The following CARD19 variants were observed in gnomAD, a reference collection of about 807,000 sequenced individuals.
The protein encoded by CARD19 is caspase recruitment domain family member 19, also known as caspase recruitment domain-containing protein 19.
A neutral mutation model predicts 24.1 loss-of-function variants in CARD19; 25 were observed. The observed-to-expected ratio is 1.04, with a 90% CI of 0.76 to 1.45. The LOEUF (loss-of-function observed/expected upper bound fraction) is 1.45. CARD19 is among the 40% of genes most tolerant of loss of function. CARD19 has a pLI of 0.00. For synonymous variants in CARD19, 103 were observed against 104.9 expected, an observed-to-expected ratio of 0.98 and a Z score of 0.11; for missense variants, 241 against 247.4, an observed-to-expected ratio of 0.97 and a Z score of 0.17.
At chr9:93,110,768 AG>A in intron 3 of CARD19, 47 bp downstream of exon 3, 1 of 1,574,230 alleles carries the variant, frequency 6.4e-7, no homozygotes. Context: ...TGGCCCGGGG[AG>A]GGCACCCCAG....
intron 3 of CARD19, chr9:93,111,510 ACAGTG>A: frequency 8.8e-7 from 1 of 1,133,798 alleles, no homozygotes; most frequent in Non-Finnish European, 1.1e-6. Context: ...CTCACAGAAC[ACAGTG>A]CAGACGGTGG....
In CARD19 at chr9:93,096,451, C is replaced by A; in HGVS notation, c.7+99C>A. The A allele has an allele frequency of 8.9e-7, 1 of 1,118,314 alleles. No individual in the cohort carries two copies. Among genetic ancestry groups the A allele is most frequent in the Non-Finnish European group, 1.1e-6 (1 of 887,328 alleles). 69.3% of individuals were successfully genotyped at this position (1,118,314 alleles called of 1,614,324 possible). ...CCTTGCGAGTCGCCTGCAGGCCGCG[C>A]CTGGGCAGCGGGGGCCGAGTGACCT... On this transcript the variant is annotated intron_variant, in intron 1 of 5. Transcript: ENST00000375464. The surrounding 1 kb of genome is among the most constrained non-coding windows in gnomAD (Gnocchi z 5.4).
rs370569606 is a variant in CARD19, at chr9:93,113,063, C to T, written c.508C>T (p.Arg170Cys). ...TGTCATCATCGACAGACATGTCAGC[C>T]GCTACCTGCTGGCCTTCCTGGCAGA... The part of the protein sequence containing the change: ...SPVIIDRHVS[R>C]YLLAFLADDL... The change falls in exon 6 of 6, where the codon CGC becomes TGC. Residue 170 changes from arginine (R) to cysteine (C), a missense_variant. Arg to Cys is a radical substitution (Grantham distance 180). Coordinates refer to ENST00000375464, the MANE Select transcript of CARD19 (RefSeq NM_032310.5). The T allele has an allele frequency of 6.7e-5, 107 of 1,602,206 alleles. No homozygotes were observed. The highest frequency in any genetic ancestry group is 3.9e-4 in the Admixed American group (23 of 59,070).
intron 1 of CARD19, among the ~76,000 whole-genome samples, chr9:93,106,420 A>AAAATAAAT (rs1554753847): frequency 6.7e-6 from 1 of 148,494 alleles, no homozygotes; most frequent in Non-Finnish European, 1.5e-5. Context: ...CTACTAAAAA[A>AAAATAAAT]AAAAAAAAAA....
chr9:93,110,750 C>T, intron 3 of CARD19, 29 bp downstream of exon 3: 1 of 1,599,794 alleles, frequency 6.3e-7, no homozygotes, highest in Non-Finnish European at 8.5e-7. Context: ...ACCATGCATG[C>T]TTGGTGCTGG....
intron 1 of CARD19, among the ~76,000 whole-genome samples, chr9:93,103,429 A>G (rs140234807): frequency 2.5e-4 from 38 of 152,374 alleles, no homozygotes; most frequent in Middle Eastern, 6.8e-3. Flanking sequence ...AATACCTAAC[A>G]CAATGTAAAT....
At chr9:93,108,557 C>T (rs1171250885) in intron 2 of CARD19, among the ~76,000 whole-genome samples, 2 of 152,136 alleles carry the variant, frequency 1.3e-5, no homozygotes, top group Middle Eastern at 3.2e-3. Flanking sequence ...GCCGGGTAAA[C>T]GCCTGCCCGA....
intron 1 of CARD19, among the ~76,000 whole-genome samples, chr9:93,101,445 CTT>C (rs748181911): frequency 7.7e-5 from 10 of 129,062 alleles, no homozygotes; most frequent in Non-Finnish European, 5.1e-5. Context: ...CACGGTAATT[CTT>C]TTTTTTTTTT....
chr9:93,103,027 A>T (rs1243870044), intron 1 of CARD19, among the ~76,000 whole-genome samples: 1 of 152,182 alleles, frequency 6.6e-6, no homozygotes, highest in African/African-American at 2.4e-5. Context: ...AAAGAAAAAG[A>T]TTTTAGGGTT....
rs1405133492 is a variant in CARD19, at chr9:93,112,992, A to T, written c.437A>T (p.Asp146Val). Reference sequence around the variant, plus strand: ...TTTTGCCTCCCCTTTTGTCTTCTAGACCCCAAGGGCCTGCCAGGGACCCGG... The same window carrying T: ...TTTTGCCTCCCCTTTTGTCTTCTAGTCCCCAAGGGCCTGCCAGGGACCCGG... ...LALLLYCYPP[D>V]PKGLPGTRRV... Residue 146 changes from aspartate (D) to valine (V), a missense_variant and splice_region_variant, in exon 6 of 6, where the codon GAC becomes GTC. By Grantham distance (152) the Asp-to-Val change is radical (BLOSUM62 -3). Transcript: ENST00000375464. 6.2e-7 allele frequency: 1 copy of T among 1,602,142 alleles called. No individual in the cohort carries two copies. Among genetic ancestry groups the T allele is most frequent in the Non-Finnish European group, 8.5e-7 (1 of 1,173,168 alleles).
chr9:93,108,803 G>A, intron 2 of CARD19, among the ~76,000 whole-genome samples: 1 of 152,260 alleles, frequency 6.6e-6, no homozygotes, highest in East Asian at 1.9e-4. Context: ...GCACACCAGG[G>A]TGGCTCTGCT....
At chr9:93,106,581 A>C (rs567908340) in intron 1 of CARD19, among the ~76,000 whole-genome samples, 60 of 151,504 alleles carry the variant, frequency 4.0e-4, no homozygotes, top group African/African-American at 1.2e-3. Flanking sequence ...AAAAAACAAA[A>C]AAAAAAAAAC....
chr9:93,097,709 C>G (rs1826933044), intron 1 of CARD19, among the ~76,000 whole-genome samples: 1 of 152,190 alleles, frequency 6.6e-6, no homozygotes, highest in South Asian at 2.1e-4. Flanking sequence ...AGGAGCCTTC[C>G]TGCACAAAGG....
chr9:93,112,284 C>T lies in CARD19; in HGVS notation c.431C>T (p.Pro144Leu), dbSNP rs371219739. The part of the protein sequence containing the change: ...VGLALLLYCY[P>L]PDPKGLPGTR... Reference sequence around the variant, plus strand: ...CTGGCCCTGCTCCTGTACTGCTATCCGCCAGGTGGGTGCAAGCGGATCCTC... The same window carrying T: ...CTGGCCCTGCTCCTGTACTGCTATCTGCCAGGTGGGTGCAAGCGGATCCTC... Residue 144 changes from proline to leucine, a missense_variant, in exon 5 of 6, where the codon CCG becomes CTG. Transcript: ENST00000375464. 3.5e-5 allele frequency: 54 copies of T among 1,543,738 alleles called. No homozygotes were observed. The highest frequency in any genetic ancestry group is 1.8e-4 in the South Asian group (15 of 84,036).
At position 93,097,429 on chromosome 9, in the gene CARD19, G is replaced by A. The variant is rs373002549; in HGVS notation, c.7+1077G>A. On this transcript the variant is annotated intron_variant, in intron 1 of 5. Transcript: ENST00000375464. ...TCCCTTCTAACTCTTCTTATTTGTG[G>A]CTCTCATTTCTGAGCACTTACTGTG... 4.6e-5 allele frequency among the ~76,000 whole-genome samples: 7 copies of A among 152,206 alleles called. No individual in the cohort carries two copies. In the East Asian group the frequency reaches 1.4e-3, roughly 29 times the overall value.
intron 4 of CARD19, 91 bp downstream of exon 4, chr9:93,112,029 C>T (rs72741078): frequency 0.099 from 148,678 of 1,496,862 alleles, 8,132 homozygotes; most frequent in Middle Eastern, 0.18. Context: ...TCAGGGGCTT[C>T]TCCACCCCAA....
intron 3 of CARD19, chr9:93,111,359 G>C: frequency 9.0e-7 from 1 of 1,110,124 alleles, no homozygotes; most frequent in Non-Finnish European, 1.1e-6. Context: ...ACTCTGATCT[G>C]ACGCCTCTGT....
intron 1 of CARD19, among the ~76,000 whole-genome samples, chr9:93,106,115 T>A (rs1157601427): frequency 2.0e-5 from 3 of 152,204 alleles, no homozygotes; most frequent in Non-Finnish European, 4.4e-5. Flanking sequence ...TTTTGTCTGA[T>A]ATTAGTATAG....
intron 3 of CARD19, chr9:93,111,459 A>G (rs758304185): frequency 1.3e-4 from 141 of 1,077,918 alleles, no homozygotes; most frequent in Non-Finnish European, 1.6e-4. Context: ...GTCCCAGGCT[A>G]CTGGGCTGTG....
Sources: allele counts gnomAD v4.1 joint callset (sites outside exome capture counted in the v4.1 genomes callset), GRCh38; gene constraint gnomAD v4.1.1; non-coding constraint Gnocchi (gnomAD v3.1); transcripts MANE v1.5; gene names NCBI Gene and HGNC (gene_info 2026-07-23, HGNC 2026-07-21).